SYTL5: variants seen among roughly 807,000 people sequenced by gnomAD.
The protein encoded by SYTL5 is synaptotagmin-like protein 5.
Under a neutral mutation model 55.9 loss-of-function variants are expected in SYTL5, and 34 were observed. That is an observed-to-expected ratio of 0.61 (90% CI 0.46 to 0.81). The LOEUF (loss-of-function observed/expected upper bound fraction) is 0.81. Among genes scored for constraint, SYTL5 ranks in the 30% least tolerant of loss-of-function variants. The pLI is 0.00. For synonymous variants in SYTL5, 221 were observed against 188.7 expected, an observed-to-expected ratio of 1.17 and a Z score of -1.40; for missense variants, 637 against 546.7, an observed-to-expected ratio of 1.17 and a Z score of -1.65.
intron 1 of SYTL5, among the ~76,000 whole-genome samples, chrX:38,010,670 C>T (rs757743215): frequency 8.0e-4 from 89 of 111,375 alleles, no homozygotes; most frequent in Middle Eastern, 4.6e-3. Flanking sequence ...TCTAGAAATC[C>T]GTCTCTTTAA....
At chrX:37,909,856 G>A in the SYTL5 span, among the ~76,000 whole-genome samples, 1 of 109,942 alleles carries the variant, frequency 9.1e-6, no homozygotes. Context: ...TGTATTTTTA[G>A]TAGAGACGGG....
the SYTL5 span, among the ~76,000 whole-genome samples, chrX:37,972,170 C>A: frequency 4.9e-4 from 54 of 111,041 alleles, no homozygotes; most frequent in African/African-American, 1.7e-3. Context: ...CTGGGAGGAG[C>A]AAATGCCCTT....
chrX:37,922,338 G>A, the SYTL5 span, among the ~76,000 whole-genome samples: 5 of 111,553 alleles, frequency 4.5e-5, no homozygotes, highest in Non-Finnish European at 9.4e-5. Flanking sequence ...TTCTCAAATT[G>A]TCTGCAGTTA....
At chrX:38,059,820 G>A (rs1399378456) in intron 3 of SYTL5, among the ~76,000 whole-genome samples, 1 of 111,401 alleles carries the variant, frequency 9.0e-6, no homozygotes, top group Non-Finnish European at 1.9e-5. Context: ...TGACTGATTT[G>A]CTAGTCCTCA....
chrX:37,989,023 A>T, the SYTL5 span, among the ~76,000 whole-genome samples: 1 of 112,204 alleles, frequency 8.9e-6, no homozygotes, highest in Admixed American at 9.4e-5. Context: ...AGAAATTTTC[A>T]GCCTATCCAG....
At chrX:37,902,567 T>A in the SYTL5 span, among the ~76,000 whole-genome samples, 1 of 112,550 alleles carries the variant, frequency 8.9e-6, no homozygotes, top group Non-Finnish European at 1.9e-5. Context: ...TGTCATTTTA[T>A]GTCAGAAATG....
At chrX:37,923,690 CCAA>C in the SYTL5 span, among the ~76,000 whole-genome samples, 5,102 of 110,479 alleles carry the variant, frequency 0.046, 294 homozygotes, top group African/African-American at 0.16. Flanking sequence ...AACATCACTA[CCAA>C]CAACAACAAT....
chrX:37,923,312 C>A, the SYTL5 span, among the ~76,000 whole-genome samples: 5 of 111,926 alleles, frequency 4.5e-5, no homozygotes, highest in African/African-American at 1.6e-4. Flanking sequence ...ATGGTTTCTC[C>A]ACTAGTTTAG....
chrX:37,988,095 T>C, the SYTL5 span, among the ~76,000 whole-genome samples: 207 of 112,183 alleles, frequency 1.8e-3, no homozygotes, highest in African/African-American at 6.5e-3. Flanking sequence ...GAGATTATTC[T>C]GTATTATCTG....
chrX:38,002,474 CCCA>C (rs1175331831), upstream of SYTL5, among the ~76,000 whole-genome samples: 1 of 111,872 alleles, frequency 8.9e-6, no homozygotes, highest in Admixed American at 9.5e-5. Flanking sequence ...AGTTAACAGT[CCCA>C]CCAACAGTGT....
At chrX:38,076,851 T>G in intron 6 of SYTL5, 150 bp downstream of exon 6, 1 of 616,753 alleles carries the variant, frequency 1.6e-6, no homozygotes, top group Non-Finnish European at 2.5e-6. Context: ...ATTTTTTAGT[T>G]GATATGGAAA....
At chrX:38,073,464 G>A (rs1178700501) in intron 4 of SYTL5, 126 bp from the exon 5 acceptor site, 2 of 470,869 alleles carry the variant, frequency 4.2e-6, no homozygotes, top group Non-Finnish European at 3.6e-6. Flanking sequence ...GATGGGAATG[G>A]CATTGCCAAT....
At chrX:38,003,192 A>G (rs1055241380), upstream of SYTL5, among the ~76,000 whole-genome samples, 1 of 111,147 alleles carries the variant, frequency 9.0e-6, no homozygotes, top group Non-Finnish European at 1.9e-5. Flanking sequence ...ATGCGGTATT[A>G]TTTCTGAGGG....
At chrX:37,974,602 T>C in the SYTL5 span, among the ~76,000 whole-genome samples, 84 of 112,607 alleles carry the variant, frequency 7.5e-4, 1 homozygote, top group African/African-American at 2.5e-3. Flanking sequence ...ACAACAATAA[T>C]TTTATAAAAC....
At chrX:37,976,735 C>T in the SYTL5 span, among the ~76,000 whole-genome samples, 1 of 107,898 alleles carries the variant, frequency 9.3e-6, no homozygotes, top group Non-Finnish European at 1.9e-5. Context: ...CTTTGGAAGG[C>T]CAAGGCGAGC....
intron 2 of SYTL5, among the ~76,000 whole-genome samples, chrX:38,052,532 T>C (rs1935651618): frequency 8.9e-6 from 1 of 112,064 alleles, no homozygotes; most frequent in African/African-American, 3.2e-5. Flanking sequence ...AATGACCTGG[T>C]TCCTGATTCC....
intron 1 of SYTL5, among the ~76,000 whole-genome samples, chrX:38,019,485 G>A (rs1934469487): frequency 9.0e-6 from 1 of 111,324 alleles, no homozygotes; most frequent in Admixed American, 9.5e-5. Flanking sequence ...GCCAAAATTG[G>A]GATTTATGAA....
chrX:37,894,912 C>G, the SYTL5 span, among the ~76,000 whole-genome samples: 2 of 111,368 alleles, frequency 1.8e-5, no homozygotes, highest in Non-Finnish European at 3.8e-5. Context: ...GACCCCATCC[C>G]CACTTGTTTT....
chrX:38,023,888 G>A (rs961190627), intron 1 of SYTL5: 12 of 104,250 alleles, frequency 1.2e-4, no homozygotes, highest in African/African-American at 3.7e-4. Context: ...AAAATAAACA[G>A]TGATCTTAAA....
Sources: gnomAD v4.1 joint callset for allele counts (sites outside exome capture counted in the v4.1 genomes callset) on GRCh38, gnomAD v4.1.1 for gene constraint, MANE v1.5 for transcripts, NCBI Gene and HGNC (gene_info 2026-07-23, HGNC 2026-07-21) for gene names.